The following CCDC6 variants were observed in gnomAD, a reference collection of about 807,000 sequenced individuals.
CCDC6 encodes coiled-coil domain containing 6.
CCDC6 carries 20 observed loss-of-function variants against 56.6 expected under a neutral mutation model. The ratio of observed to expected loss-of-function variants is 0.35; its 90% CI spans 0.25 to 0.51. The LOEUF (loss-of-function observed/expected upper bound fraction) is 0.51. Ranked by LOEUF, CCDC6 falls within the 20% of genes least tolerant of loss-of-function variation. The probability of loss-of-function intolerance (pLI) is 0.95; values close to 1 mark genes in which losing one functional copy is unlikely to be tolerated. For synonymous variants in CCDC6, 241 were observed against 234.4 expected (o/e 1.03, Z -0.26); for missense variants, 367 against 601.1 (o/e 0.61, Z 4.07).
chr10:59,814,598 C>T, intron 4 of CCDC6, 54 bp downstream of exon 4: 1 of 930,774 alleles, frequency 1.1e-6, no homozygotes, highest in Non-Finnish European at 1.7e-6. Context: ...CCCAGAGCAG[C>T]AACACACACA....
intron 2 of CCDC6, among the ~76,000 whole-genome samples, chr10:59,847,290 T>TG (rs56410460): frequency 0.51 from 78,031 of 151,740 alleles, 21,845 homozygotes; most frequent in African/African-American, 0.75. Context: ...CCTGACCTCG[T>TG]GATCCGCCCG....
In CCDC6 at chr10:59,791,882, A is replaced by G. The variant is rs2070470900; in HGVS notation, c.*1035T>C. ...GAACAGCCATCAATGCTAATGTGCTACTTTCCTTTAGACCTTATTTTCTTT... is the reference window on the plus strand; with the variant it reads ...GAACAGCCATCAATGCTAATGTGCTGCTTTCCTTTAGACCTTATTTTCTTT... On this transcript the variant is annotated 3_prime_UTR_variant, in exon 9 of 9. Coordinates refer to ENST00000263102, the MANE Select transcript of CCDC6 (RefSeq NM_005436.5). 1 of 219,354 alleles carries G rather than the reference A, an allele frequency of 4.6e-6. No homozygotes were observed. Among genetic ancestry groups the G allele is most frequent in the Non-Finnish European group, 9.2e-6 (1 of 109,152 alleles). The allele number at this position is 219,354 out of a possible 1,614,324, so 13.6% of individuals were successfully genotyped here.
At position 59,793,117 on chromosome 10, in the gene CCDC6, G is replaced by C. The variant is rs369028220; in HGVS notation, c.1231-6C>G. On this transcript the variant is annotated splice_region_variant and splice_polypyrimidine_tract_variant and intron_variant, in intron 8 of 8. Coordinates refer to ENST00000263102, the MANE Select transcript of CCDC6 (RefSeq NM_005436.5). Reference sequence around the variant, plus strand: ...CTTCTCCGTGGTGAAGGCCTCTGCAGAGGGGACAGGAACAGCAAGTCAGTC... The same window carrying C: ...CTTCTCCGTGGTGAAGGCCTCTGCACAGGGGACAGGAACAGCAAGTCAGTC... 1.9e-6 allele frequency: 3 copies of C among 1,613,602 alleles called. No homozygotes were observed. Among genetic ancestry groups the C allele is most frequent in the Non-Finnish European group, 2.5e-6 (3 of 1,179,598 alleles).
chr10:59,898,347 G>C (rs1178332649), intron 1 of CCDC6, among the ~76,000 whole-genome samples: 1 of 152,220 alleles, frequency 6.6e-6, no homozygotes, highest in Non-Finnish European at 1.5e-5. Flanking sequence ...TTGAGCAACA[G>C]CTCTCCCCAT....
intron 7 of CCDC6, among the ~76,000 whole-genome samples, chr10:59,796,012 A>C (rs1217315706): frequency 6.6e-6 from 1 of 152,212 alleles, no homozygotes; most frequent in Non-Finnish European, 1.5e-5. Context: ...TGGCTGGGTC[A>C]AATGGTATTT....
At chr10:59,795,638 A>C (rs1463800006) in intron 7 of CCDC6, among the ~76,000 whole-genome samples, 1 of 86,914 alleles carries the variant, frequency 1.2e-5, no homozygotes, top group Non-Finnish European at 2.2e-5. Context: ...CCCACCCCAC[A>C]ACAGTCCCTA....
intron 1 of CCDC6, among the ~76,000 whole-genome samples, chr10:59,880,020 G>C (rs1005068749): frequency 1.3e-5 from 2 of 152,090 alleles, no homozygotes; most frequent in Non-Finnish European, 2.9e-5. Context: ...CAGGATCCTA[G>C]CTATTGCATA....
chr10:59,808,811 T>C (rs1295032727), intron 5 of CCDC6, among the ~76,000 whole-genome samples: 1 of 152,234 alleles, frequency 6.6e-6, no homozygotes, highest in Admixed American at 6.5e-5. Context: ...TTTTAGCCAA[T>C]AAAGACTTCT....
chr10:59,799,166 C>A (rs1341631088), intron 7 of CCDC6, among the ~76,000 whole-genome samples: 1 of 149,680 alleles, frequency 6.7e-6, no homozygotes, highest in Non-Finnish European at 1.5e-5. Flanking sequence ...CATGGTGGTT[C>A]ATGCCTGTAA....
rs2070683379 is a variant in CCDC6, at chr10:59,812,792, G to A, written c.690C>T (p.Ile230=). The change falls in exon 5 of 9, where the codon ATC becomes ATT. Residue 230 remains isoleucine, a synonymous_variant. Coordinates refer to ENST00000263102, the MANE Select transcript of CCDC6 (RefSeq NM_005436.5). ...CGGGCTGGTCTAATTTTTCCTGCAGGATTCTTCATTGAAAAGAAAAATTCC... is the reference window on the plus strand; with the variant it reads ...CGGGCTGGTCTAATTTTTCCTGCAGAATTCTTCATTGAAAAGAAAAATTCC... The part of the protein sequence containing the change: ...RMDKLEAEKR[I]LQEKLDQPVS... The A allele has an allele frequency of 6.9e-6, 11 of 1,587,770 alleles. No individual in the cohort carries two copies. The highest frequency in any genetic ancestry group is 9.4e-6 in the Non-Finnish European group (11 of 1,165,986).
chr10:59,797,588 CAAAAAAAAAAAAAA>C (rs10561094), intron 7 of CCDC6, among the ~76,000 whole-genome samples: 8 of 31,606 alleles, frequency 2.5e-4, no homozygotes, highest in African/African-American at 9.3e-4. Flanking sequence ...AACCTCCTAG[CAAAAAAAAAAAAAA>C]AAAAAAAAAA....
In CCDC6 at chr10:59,832,508, G is replaced by A. The variant is rs2070843025; in HGVS notation, c.582+17C>T. On this transcript the variant is annotated intron_variant, in intron 3 of 8. Transcript: ENST00000263102. ...AACGAGAAAATACAATGTAAAGGAA[G>A]AGCTACAGGTGCTTACCTGTTCTAA... The A allele has an allele frequency of 6.2e-7, 1 of 1,600,198 alleles. No individual in the cohort carries two copies. Among genetic ancestry groups the A allele is most frequent in the Non-Finnish European group, 8.5e-7 (1 of 1,174,768 alleles).
In CCDC6 at chr10:59,792,722, C is replaced by T. The variant is rs141928750; in HGVS notation, c.*195G>A. 261 of 769,866 alleles carry T rather than the reference C, an allele frequency of 3.4e-4. No homozygotes were observed. The highest frequency in any genetic ancestry group is 2.8e-3 in the African/African-American group (166 of 59,316). The allele number at this position is 769,866 out of a possible 1,614,324, so 47.7% of individuals were successfully genotyped here. A position where few individuals can be genotyped will look rare whatever the true frequency, so the allele number is the denominator to read the frequency against. Reference sequence around the variant, plus strand: ...CAAGTAAAACACTGATGGAAAAAGTCGTCTGGTTAGTGTTGTAGACCCACA... The same window carrying T: ...CAAGTAAAACACTGATGGAAAAAGTTGTCTGGTTAGTGTTGTAGACCCACA... On this transcript the variant is annotated 3_prime_UTR_variant, in exon 9 of 9. Coordinates refer to ENST00000263102, the MANE Select transcript of CCDC6 (RefSeq NM_005436.5).
chr10:59,849,072 A>G lies in CCDC6; in HGVS notation c.453+3481T>C, dbSNP rs143370250. ...AACACTTCTTATAGGTTTTAATTAC[A>G]AATAACGATTAAAGCACAACCTCTC... On this transcript the variant is annotated intron_variant, in intron 2 of 8. Coordinates refer to ENST00000263102, the MANE Select transcript of CCDC6 (RefSeq NM_005436.5). 8.4e-3 allele frequency among the ~76,000 whole-genome samples: 1,279 copies of G among 152,336 alleles called. 16 individuals are homozygous for G. The highest frequency in any genetic ancestry group is 0.029 in the African/African-American group (1,205 of 41,578).
intron 6 of CCDC6, among the ~76,000 whole-genome samples, chr10:59,805,959 A>G (rs1335885678): frequency 1.3e-5 from 2 of 152,184 alleles, no homozygotes; most frequent in Admixed American, 1.3e-4. Context: ...GACAGCACGT[A>G]TTGGCATCAA....
At chr10:59,859,291 C>T (rs961063992) in intron 1 of CCDC6, among the ~76,000 whole-genome samples, 4 of 151,312 alleles carry the variant, frequency 2.6e-5, no homozygotes, top group African/African-American at 9.7e-5. Flanking sequence ...ACAAAAGACA[C>T]AAACCACTAT....
rs1450807105 is a variant in CCDC6, at chr10:59,791,924, A to G, written c.*993T>C. 6 of 221,174 alleles carry G rather than the reference A, an allele frequency of 2.7e-5. No individual in the cohort carries two copies. Among genetic ancestry groups the G allele is most frequent in the African/African-American group, 4.5e-5 (2 of 44,634 alleles). The allele number at this position is 221,174 out of a possible 1,614,324, so 13.7% of individuals were successfully genotyped here. On this transcript the variant is annotated 3_prime_UTR_variant, in exon 9 of 9. Transcript: ENST00000263102. ...ATTTTCTTTTCTGCCAAGCAATACA[A>G]TATTTTCTGGCCATTATGCCAAGAT...
In CCDC6 at chr10:59,829,708, A is replaced by C. The variant is rs142919004; in HGVS notation, c.582+2817T>G. On this transcript the variant is annotated intron_variant, in intron 3 of 8. Coordinates refer to ENST00000263102, the MANE Select transcript of CCDC6 (RefSeq NM_005436.5). ...TTACATGAAATGTCCAGAATAGGCA[A>C]ATACACAGACAGAAAGTAGAACAGC... Among the ~76,000 whole-genome samples, 341 of 152,336 alleles carry C rather than the reference A, an allele frequency of 2.2e-3. 2 individuals carry two copies. The highest frequency in any genetic ancestry group is 7.8e-3 in the African/African-American group (326 of 41,572).
intron 1 of CCDC6, among the ~76,000 whole-genome samples, chr10:59,864,185 C>T (rs2071158208): frequency 6.6e-6 from 1 of 152,148 alleles, no homozygotes; most frequent in African/African-American, 2.4e-5. Flanking sequence ...AAAGTTCCCC[C>T]CACCTTTAAG....
Sources: allele counts gnomAD v4.1 joint callset (sites outside exome capture counted in the v4.1 genomes callset), GRCh38; gene constraint gnomAD v4.1.1; transcripts MANE v1.5; gene names NCBI Gene and HGNC (gene_info 2026-07-23, HGNC 2026-07-21).